The following TENM4 variants were observed in gnomAD, a reference collection of about 807,000 sequenced individuals.
The protein encoded by TENM4 is teneurin transmembrane protein 4.
A neutral mutation model predicts 243.3 loss-of-function variants in TENM4; 82 were observed. The observed-to-expected ratio is 0.34, with a 90% CI of 0.28 to 0.40. The LOEUF (loss-of-function observed/expected upper bound fraction) is 0.40. Ranked by LOEUF, TENM4 falls within the 10% of genes least tolerant of loss-of-function variation. The pLI, the probability that TENM4 is intolerant of heterozygous loss-of-function variation, is 1.00. For synonymous variants in TENM4, 1,412 were observed against 1,456.3 expected, an observed-to-expected ratio of 0.97 and a Z score of 0.69; for missense variants, 3,138 against 3,673.3, an observed-to-expected ratio of 0.85 and a Z score of 3.77.
At chr11:79,300,494 T>C (rs1406444345) in intron 1 of TENM4, among the ~76,000 whole-genome samples, 3 of 152,242 alleles carry the variant, frequency 2.0e-5, no homozygotes, top group South Asian at 2.1e-4. Context: ...TATATGCTTA[T>C]ACTGTATTGC....
chr11:79,427,035 G>A (rs929950585), intron 1 of TENM4, among the ~76,000 whole-genome samples: 23 of 152,310 alleles, frequency 1.5e-4, no homozygotes, highest in African/African-American at 4.6e-4. Context: ...AGGAGGTGAA[G>A]TGGCAGAGGG....
At position 79,025,368 on chromosome 11, in the gene TENM4, C is replaced by T. The variant is rs768579274; in HGVS notation, c.493+39370G>A. ...GGTGTGGCCTAACAGGCCCTAAGGA[C>T]GGTTCTGCGCTTTTTAATAATAATT... On this transcript the variant is annotated intron_variant, in intron 6 of 33. Coordinates refer to ENST00000278550, the MANE Select transcript of TENM4 (RefSeq NM_001098816.3). Among the ~76,000 whole-genome samples, 47 of 152,292 alleles carry T rather than the reference C, an allele frequency of 3.1e-4. No homozygotes were observed. The Middle Eastern group carries it at 0.014, about 44-fold the overall frequency.
intron 2 of TENM4, among the ~76,000 whole-genome samples, chr11:79,235,085 G>C (rs535573197): frequency 6.6e-6 from 1 of 152,090 alleles, no homozygotes; most frequent in African/African-American, 2.4e-5. Context: ...AGGCTGAGGC[G>C]GGTGGATCAT....
At chr11:78,884,492 C>T (rs1038197020) in intron 9 of TENM4, among the ~76,000 whole-genome samples, 1 of 152,180 alleles carries the variant, frequency 6.6e-6, no homozygotes, top group African/African-American at 2.4e-5. Flanking sequence ...TGGCTGAAAG[C>T]ATGGCCTTTG....
chr11:78,812,154 T>C lies in TENM4; in HGVS notation c.1946A>G (p.Asn649Ser), dbSNP rs1286857056. 5 of 1,551,676 alleles carry C rather than the reference T, an allele frequency of 3.2e-6. No individual in the cohort carries two copies. Among genetic ancestry groups the C allele is most frequent in the Non-Finnish European group, 2.6e-6 (3 of 1,147,026 alleles). Residue 649 changes from asparagine to serine, a missense_variant, in exon 14 of 34, where the codon AAC becomes AGC. Around this residue, in one of 2 missense-constraint regions of TENM4, gnomAD observed 2,467 missense variants for 3,059.1 expected, o/e 0.81. Transcript: ENST00000278550. ...GTCITGTCICNPGYKGESCEE... is the reference protein window; with the variant it reads ...GTCITGTCICSPGYKGESCEE... ...ACAGCTCTCGCCCTTGTAGCCAGGG[T>C]TGCAGATGCAGGTGCCCGTGATGCA...
chr11:78,704,157 G>GTGTATATATATATA lies in TENM4; in HGVS notation c.4210-1755_4210-1754insTATATATATATACA, dbSNP rs1201390547. Among the ~76,000 whole-genome samples, 225 of 70,476 alleles carry GTGTATATATATATA rather than the reference G, an allele frequency of 3.2e-3. 5 individuals are homozygous for GTGTATATATATATA. The highest frequency in any genetic ancestry group is 0.013 in the African/African-American group (213 of 16,640). 46.2% of individuals were successfully genotyped at this position (70,476 alleles called of 152,430 possible). A position where few individuals can be genotyped will look rare whatever the true frequency, so the allele number is the denominator to read the frequency against. ...TGTATGTCTATGTGTATGTATGTGT[G>GTGTATATATATATA]TCTATATATATATATATATATATAT... On this transcript the variant is annotated intron_variant, in intron 27 of 33. Transcript: ENST00000278550.
intron 6 of TENM4, among the ~76,000 whole-genome samples, chr11:79,025,045 G>C (rs1350649813): frequency 6.6e-6 from 1 of 152,190 alleles, no homozygotes; most frequent in African/African-American, 2.4e-5. Flanking sequence ...GAATTGGCAT[G>C]CTCCTTTGGG....
intron 6 of TENM4, among the ~76,000 whole-genome samples, chr11:78,974,208 T>G (rs551525826): frequency 2.5e-4 from 38 of 152,322 alleles, no homozygotes; most frequent in African/African-American, 9.1e-4. Flanking sequence ...CCACATATAG[T>G]GGGTACTCAC....
In TENM4 at chr11:78,653,071, G is replaced by C. The variant is rs980638285; in HGVS notation, c.*4987C>G. ...TTTATTCCTGTCATGCAATTGCAAA[G>C]TCAAGCTTCAGGGTCTTAGAGACCC... is the stretch of plus-strand genomic sequence containing the variant. On this transcript the variant is annotated 3_prime_UTR_variant, in exon 34 of 34. Coordinates refer to ENST00000278550, the MANE Select transcript of TENM4 (RefSeq NM_001098816.3). 1 of 152,248 alleles carries C rather than the reference G, an allele frequency of 6.6e-6. No individual in the cohort carries two copies. Among genetic ancestry groups the C allele is most frequent in the African/African-American group, 2.4e-5 (1 of 41,456 alleles). 9.4% of individuals were successfully genotyped at this position (152,248 alleles called of 1,614,324 possible).
chr11:78,842,102 T>C (rs1168495690), intron 12 of TENM4, among the ~76,000 whole-genome samples: 1 of 152,148 alleles, frequency 6.6e-6, no homozygotes, highest in African/African-American at 2.4e-5. Flanking sequence ...CAGAGCTATC[T>C]CCAAGTCAAG....
At chr11:78,687,403 G>C (rs1463365907) in intron 29 of TENM4, among the ~76,000 whole-genome samples, 2 of 152,228 alleles carry the variant, frequency 1.3e-5, no homozygotes, top group African/African-American at 2.4e-5. Context: ...GGGCAGGAAA[G>C]AATCAGGCAG....
rs1183888305 is a variant in TENM4, at chr11:78,903,451, G to T, written c.566C>A (p.Pro189His). Residue 189 changes from proline to histidine, a missense_variant, in exon 7 of 34, where the codon CCC becomes CAC. Transcript: ENST00000278550. ...PPPPLSHAHT[P>H]NQHHAASINS... ...AATGGAGGCCGCGTGGTGCTGGTTG[G>T]GGGTGTGGGCGTGCGAGAGCGGCGG... 6 of 1,548,922 alleles carry T rather than the reference G, an allele frequency of 3.9e-6. No individual in the cohort carries two copies. The highest frequency in any genetic ancestry group is 1.4e-5 in the African/African-American group (1 of 73,024).
At chr11:79,119,835 CT>C (rs1488281908) in intron 4 of TENM4, among the ~76,000 whole-genome samples, 1 of 152,174 alleles carries the variant, frequency 6.6e-6, no homozygotes, top group Non-Finnish European at 1.5e-5. Flanking sequence ...GCAAAAGGCT[CT>C]GGTAAACTAG....
At position 78,708,445 on chromosome 11, in the gene TENM4, A is replaced by G. The variant is rs1469293434; in HGVS notation, c.4125T>C (p.Asn1375=). ...DGTMIRRIDQ[N]GIISTLLGSN... ...AGCCGAGCAGGGTGGAGATGATCCC[A>G]TTCTGATCGATGCGTCTGATCATGG... The change falls in exon 27 of 34, where the codon AAT becomes AAC. Residue 1375 remains asparagine (N), a synonymous_variant. Coordinates refer to ENST00000278550, the MANE Select transcript of TENM4 (RefSeq NM_001098816.3). 4 of 1,614,058 alleles carry G rather than the reference A, an allele frequency of 2.5e-6. No homozygotes were observed. Among genetic ancestry groups the G allele is most frequent in the East Asian group, 2.2e-5 (1 of 44,888 alleles).
intron 1 of TENM4, among the ~76,000 whole-genome samples, chr11:79,373,331 T>A: frequency 9.6e-6 from 1 of 103,900 alleles, no homozygotes; most frequent in African/African-American, 4.7e-5. Flanking sequence ...GCTGGCTGGC[T>A]GGATGGATGG....
intron 4 of TENM4, among the ~76,000 whole-genome samples, chr11:79,124,613 A>C (rs553264285): frequency 6.7e-6 from 1 of 148,880 alleles, no homozygotes. Flanking sequence ...GTGTGTGTGT[A>C]TATATACATA....
rs1044140185 is a variant in TENM4 at position 78,789,176 on chromosome 11, G to A, written c.2180-2093C>T. Reference sequence around the variant, plus strand: ...GTTTGTTGGATGATGGATGAATTACGGTATGCCTGGGGCTATAGGTGCCTG... The same window carrying A: ...GTTTGTTGGATGATGGATGAATTACAGTATGCCTGGGGCTATAGGTGCCTG... On this transcript the variant is annotated intron_variant, in intron 15 of 33. Coordinates refer to ENST00000278550, the MANE Select transcript of TENM4 (RefSeq NM_001098816.3). Among the ~76,000 whole-genome samples, 6 of 152,222 alleles carry A rather than the reference G, an allele frequency of 3.9e-5. No homozygotes were observed. In the East Asian group the frequency reaches 9.6e-4, roughly 24 times the overall value.
intron 5 of TENM4, among the ~76,000 whole-genome samples, chr11:79,068,861 A>T (rs954363744): frequency 2.6e-5 from 4 of 152,162 alleles, no homozygotes; most frequent in Non-Finnish European, 5.9e-5. Flanking sequence ...GGACAAAAAA[A>T]GTCTAGAAAA....
At position 78,670,235 on chromosome 11, in the gene TENM4, G is replaced by A. The variant is rs370873891; in HGVS notation, c.6110C>T (p.Thr2037Met). The change falls in exon 32 of 34, where the codon ACG becomes ATG. Residue 2037 changes from threonine (T) to methionine (M), a missense_variant. Thr to Met is a moderately conservative substitution (Grantham distance 81, BLOSUM62 -1). This residue lies in a region of TENM4 where 2,467 missense variants were observed against 3,059.1 expected (regional missense o/e 0.81). Coordinates refer to ENST00000278550, the MANE Select transcript of TENM4 (RefSeq NM_001098816.3). ...TTKVSFTYDE[T>M]AGMLKTINLQ... The stretch of plus-strand genomic sequence containing the variant: ...GTTGATGGTCTTCAGCATGCCTGCC[G>A]TCTCGTCATAGGTGAAACTGACCTT... 6.4e-5 allele frequency: 104 copies of A among 1,613,792 alleles called. No individual in the cohort carries two copies. The highest frequency in any genetic ancestry group is 2.8e-4 in the African/African-American group (21 of 74,916).
Sources: gnomAD v4.1 joint callset for allele counts (sites outside exome capture counted in the v4.1 genomes callset) on GRCh38, gnomAD v4.1.1 for gene constraint, gnomAD v4.1.1 regional missense constraint, MANE v1.5 for transcripts, NCBI Gene and HGNC (gene_info 2026-07-23, HGNC 2026-07-21) for gene names.